Variants in WDPCP observed in about 807,000 individuals in gnomAD.
WDPCP encodes WD repeat containing planar cell polarity effector.
WDPCP carries 71 observed loss-of-function variants against 93.1 expected under a neutral mutation model. That is an observed-to-expected ratio of 0.76 (90% CI 0.63 to 0.93). The LOEUF is 0.93. WDPCP is among the 40% of genes least tolerant of loss of function. The pLI, the probability that WDPCP is intolerant of heterozygous loss-of-function variation, is 0.00. For synonymous variants in WDPCP, 315 were observed against 315.0 expected (o/e 1.00, Z 0.00); for missense variants, 844 against 887.4 (o/e 0.95, Z 0.62).
intron 2 of WDPCP, among the ~76,000 whole-genome samples, chr2:63,656,221 T>C (rs924197308): frequency 6.6e-6 from 1 of 152,202 alleles, no homozygotes; most frequent in African/African-American, 2.4e-5. Flanking sequence ...ATCAGTATCT[T>C]AAGATCTTGC....
At position 63,751,850 on chromosome 2, in the gene WDPCP, A is replaced by C. The variant is rs1575764510; in HGVS notation, n.308+61772T>G. 5.9e-6 allele frequency: 4 copies of C among 676,204 alleles called. No homozygotes were observed. The East Asian group carries it at 1.1e-4, about 19-fold the overall frequency. 41.9% of individuals were successfully genotyped at this position (676,204 alleles called of 1,614,324 possible). A position where few individuals can be genotyped will look rare whatever the true frequency, so the allele number is the denominator to read the frequency against. On this transcript the variant is annotated intron_variant and non_coding_transcript_variant, in intron 2 of 4. Coordinates refer to the WDPCP transcript ENST00000467687. ...CCAAAATTTGAAGACTAATTGTTGT[A>C]ATTGCCAAAAGCATTGTAGCTTCCA...
At chr2:63,353,350 A>C (rs1343540219) in intron 12 of WDPCP, among the ~76,000 whole-genome samples, 1 of 152,190 alleles carries the variant, frequency 6.6e-6, no homozygotes, top group East Asian at 1.9e-4. Flanking sequence ...CCTAGGAAAG[A>C]GGCTGAATCC....
rs1178425112 is a variant in WDPCP at position 63,716,408 on chromosome 2, TTC to T, written n.309-65572_309-65571del. On this transcript the variant is annotated intron_variant and non_coding_transcript_variant, in intron 2 of 4. Transcript: ENST00000467687. The stretch of plus-strand genomic sequence containing the variant: ...TTTTGCGTTCTCTGGTTTAGTTCTT[TTC>T]TCTCACAAATCTATTTGATCATCTC... 2.0e-5 allele frequency among the ~76,000 whole-genome samples: 3 copies of T among 152,226 alleles called. No homozygotes were observed. The East Asian group carries it at 5.8e-4, about 29-fold the overall frequency.
intron 6 of WDPCP, among the ~76,000 whole-genome samples, chr2:63,453,713 T>A (rs567179107): frequency 1.3e-5 from 2 of 151,898 alleles, no homozygotes; most frequent in Non-Finnish European, 2.9e-5. Context: ...AACAATGACA[T>A]ACTGGATTAA....
At chr2:63,591,131 C>T (rs79917717), upstream of WDPCP, among the ~76,000 whole-genome samples, 1 of 152,372 alleles carries the variant, frequency 6.6e-6, no homozygotes, top group East Asian at 1.9e-4. Context: ...GCAGGAAAGT[C>T]ATTGGTGCCC....
intron 17 of WDPCP, among the ~76,000 whole-genome samples, chr2:63,136,890 T>G (rs1670659313): frequency 6.6e-6 from 1 of 152,210 alleles, no homozygotes; most frequent in Non-Finnish European, 1.5e-5. Context: ...GGACATGATC[T>G]TGTTCTTTTT....
chr2:63,796,077 G>C (rs752211689), intron 2 of WDPCP, among the ~76,000 whole-genome samples: 2 of 152,138 alleles, frequency 1.3e-5, no homozygotes, highest in African/African-American at 4.8e-5. Context: ...TTCTGGTAAA[G>C]GTTTCTCTAC....
chr2:63,686,992 T>G (rs1668814414), intron 2 of WDPCP, among the ~76,000 whole-genome samples: 1 of 152,238 alleles, frequency 6.6e-6, no homozygotes, highest in Non-Finnish European at 1.5e-5. Context: ...GAGTCCAATC[T>G]TTTGGCTTTT....
chr2:63,285,413 G>C (rs932424015), intron 13 of WDPCP, among the ~76,000 whole-genome samples: 9 of 141,182 alleles, frequency 6.4e-5, no homozygotes, highest in African/African-American at 2.4e-4. Context: ...CAGCCTGGGT[G>C]ACAGAGTGAG....
intron 10 of WDPCP, among the ~76,000 whole-genome samples, chr2:63,387,081 C>T (rs907164743): frequency 7.9e-5 from 12 of 152,036 alleles, no homozygotes; most frequent in Admixed American, 6.6e-4. Context: ...GGTACCATTC[C>T]TACTGAAACT....
At chr2:63,122,242 G>A (rs377474048) in intron 17 of WDPCP, among the ~76,000 whole-genome samples, 186 bp from the exon 18 acceptor site, 7 of 152,026 alleles carry the variant, frequency 4.6e-5, no homozygotes, top group Admixed American at 1.3e-4. Flanking sequence ...ATTTTGATAC[G>A]ATATTTATAA....
At chr2:63,244,877 C>T (rs993708587) in intron 14 of WDPCP, among the ~76,000 whole-genome samples, 1 of 152,218 alleles carries the variant, frequency 6.6e-6, no homozygotes. Flanking sequence ...AAGCCAAGTC[C>T]TATCTGCAAC....
intron 6 of WDPCP, among the ~76,000 whole-genome samples, chr2:63,484,247 T>G (rs961354089): frequency 1.3e-5 from 2 of 151,980 alleles, no homozygotes; most frequent in Non-Finnish European, 2.9e-5. Flanking sequence ...AAGAGTAGTA[T>G]GCCAAAAAGT....
chr2:63,782,987 G>A (rs575099799), intron 2 of WDPCP, among the ~76,000 whole-genome samples: 2 of 152,194 alleles, frequency 1.3e-5, no homozygotes, highest in Admixed American at 1.3e-4. Context: ...CACTCCTAGT[G>A]GGAATGTAAA....
chr2:63,317,060 G>A (rs1214198322), intron 12 of WDPCP, among the ~76,000 whole-genome samples: 1 of 152,060 alleles, frequency 6.6e-6, no homozygotes, highest in Admixed American at 6.6e-5. Context: ...ATAAACAATT[G>A]GAAAACCATT....
At chr2:63,703,325 T>G (rs1345719499) in intron 2 of WDPCP, among the ~76,000 whole-genome samples, 2 of 152,336 alleles carry the variant, frequency 1.3e-5, no homozygotes, top group Admixed American at 1.3e-4. Flanking sequence ...TGAACTAGTT[T>G]ACAGTCCCAT....
chr2:63,593,408 TG>T (rs1709239825), upstream of WDPCP: 1 of 362,766 alleles, frequency 2.8e-6, no homozygotes, highest in Admixed American at 3.8e-5. Flanking sequence ...ACTTCTTTTT[TG>T]AAATTTTTTT....
the WDPCP span, among the ~76,000 whole-genome samples, chr2:63,836,735 G>A: frequency 2.0e-5 from 3 of 152,124 alleles, no homozygotes; most frequent in African/African-American, 7.2e-5. Flanking sequence ...AACCTCATGG[G>A]TGTCACCATT....
chr2:63,750,824 T>C (rs534158597), intron 2 of WDPCP, among the ~76,000 whole-genome samples: 4 of 152,326 alleles, frequency 2.6e-5, no homozygotes, highest in African/African-American at 9.6e-5. Flanking sequence ...TTTTGTGACA[T>C]ACCCTTCTTG....
Sources: gnomAD v4.1 joint callset for allele counts (sites outside exome capture counted in the v4.1 genomes callset) on GRCh38, gnomAD v4.1.1 for gene constraint, MANE v1.5 for transcripts, NCBI Gene and HGNC (gene_info 2026-07-23, HGNC 2026-07-21) for gene names.